BFAR: variants seen among roughly 807,000 people sequenced by gnomAD.
BFAR encodes the protein bifunctional apoptosis regulator.
Under a neutral mutation model 54.4 loss-of-function variants are expected in BFAR, and 52 were observed. The ratio of observed to expected loss-of-function variants is 0.96; its 90% CI spans 0.77 to 1.21. The LOEUF is 1.21. Ranked by LOEUF, BFAR falls within the 50% of genes most tolerant of loss-of-function variation. BFAR has a pLI of 0.00. For missense variants in BFAR, 571 were observed against 534.0 expected (o/e 1.07, Z -0.68); for synonymous variants, 215 against 204.3 (o/e 1.05, Z -0.45).
At chr16:14,655,980 C>T (rs891727860) in intron 5 of BFAR, among the ~76,000 whole-genome samples, 3 of 151,274 alleles carry the variant, frequency 2.0e-5, no homozygotes, top group Non-Finnish European at 2.9e-5. Context: ...GAGGCCGAGG[C>T]GGGGGGATGA....
At chr16:14,664,390 CAAA>C (rs753783830) in intron 6 of BFAR, among the ~76,000 whole-genome samples, 4 of 58,092 alleles carry the variant, frequency 6.9e-5, no homozygotes, top group African/African-American at 1.8e-4. Flanking sequence ...GACTCCGTCT[CAAA>C]AAAAAAAAAA....
chr16:14,649,950 T>A lies in BFAR; in HGVS notation c.615T>A (p.Phe205Leu). ...GGGCATCTCTTTACAGGGAAAGGTT[T>A]TTATCTGAACGAGTAAATGGAAGGT... ...GPWASLYRER[F>L]LSERVNGRLL... The change falls in exon 4 of 8, where the codon TTT (phenylalanine) becomes TTA (leucine). Residue 205 changes from phenylalanine (F) to leucine (L), a missense_variant. Phe to Leu is a conservative substitution (Grantham distance 22). Transcript: ENST00000261658. The A allele has an allele frequency of 6.2e-7, 1 of 1,611,504 alleles. No individual in the cohort carries two copies. Among genetic ancestry groups the A allele is most frequent in the Non-Finnish European group, 8.5e-7 (1 of 1,178,796 alleles).
chr16:14,667,803 G>A lies in BFAR; in HGVS notation c.1329G>A (p.Arg443=). 6.2e-7 allele frequency: 1 copy of A among 1,614,144 alleles called. No homozygotes were observed. The highest frequency in any genetic ancestry group is 2.2e-5 in the East Asian group (1 of 44,890). ...INIDLVVKEL[R]RLETQVL is the part of the protein sequence containing the mutation. The stretch of plus-strand genomic sequence containing the variant: ...TTGATCTTGTGGTCAAGGAACTCCG[G>A]CGGCTGGAAACCCAGGTGTTGTGAC... Residue 443 remains arginine, a synonymous_variant, in exon 8 of 8, where the codon CGG becomes CGA. Transcript: ENST00000261658.
intron 6 of BFAR, among the ~76,000 whole-genome samples, chr16:14,663,513 A>G (rs945280246): frequency 6.6e-6 from 1 of 151,364 alleles, no homozygotes; most frequent in Non-Finnish European, 1.5e-5. Context: ...TTGTGTTTTT[A>G]GTAGAGATGG....
At chr16:14,652,129 C>G (rs1285980960) in intron 4 of BFAR, among the ~76,000 whole-genome samples, 1 of 151,736 alleles carries the variant, frequency 6.6e-6, no homozygotes, top group African/African-American at 2.4e-5. Flanking sequence ...TCAGGTGATC[C>G]ACCGCCTTGG....
intron 2 of BFAR, among the ~76,000 whole-genome samples, chr16:14,646,336 A>C (rs889519179): frequency 2.6e-5 from 4 of 152,058 alleles, no homozygotes; most frequent in African/African-American, 9.7e-5. Flanking sequence ...TATAGGCGTG[A>C]GCCACCGTGC....
In BFAR at chr16:14,633,018, G is replaced by A. The variant is rs1396729167; in HGVS notation, c.-74G>A. On this transcript the variant is annotated splice_region_variant and 5_prime_UTR_variant, in exon 1 of 8. It removes an upstream start codon present in the reference 5' UTR. Coordinates refer to ENST00000261658, the MANE Select transcript of BFAR (RefSeq NM_016561.3). ...CCGGTTGGCCCGGGACGAGTGGAAT[G>A]GTAAGCCGCGACACGGCTGGGGGGT... 1 of 152,914 alleles carries A rather than the reference G, an allele frequency of 6.5e-6. No homozygotes were observed. The highest frequency in any genetic ancestry group is 2.4e-5 in the African/African-American group (1 of 41,470). 9.5% of individuals were successfully genotyped at this position (152,914 alleles called of 1,614,324 possible).
At chr16:14,637,078 C>G (rs1596962453) in intron 1 of BFAR, among the ~76,000 whole-genome samples, 1 of 152,272 alleles carries the variant, frequency 6.6e-6, no homozygotes, top group South Asian at 2.1e-4. Flanking sequence ...GACACAGTAA[C>G]AATCTGATCT....
intron 5 of BFAR, among the ~76,000 whole-genome samples, chr16:14,655,860 G>A (rs530708163): frequency 3.9e-5 from 6 of 152,184 alleles, no homozygotes; most frequent in Non-Finnish European, 8.8e-5. Flanking sequence ...TGCTCTTTAA[G>A]CCAGCATTTC....
chr16:14,661,122 A>G (rs1459270392), intron 5 of BFAR, among the ~76,000 whole-genome samples: 1 of 152,188 alleles, frequency 6.6e-6, no homozygotes, highest in Non-Finnish European at 1.5e-5. Flanking sequence ...GAAAATGGCT[A>G]TGTGAATTCC....
At chr16:14,641,384 G>A (rs766607136) in intron 1 of BFAR, among the ~76,000 whole-genome samples, 15 of 152,132 alleles carry the variant, frequency 9.9e-5, no homozygotes, top group Non-Finnish European at 1.8e-4. Flanking sequence ...AACATCCTTA[G>A]GAGGTGGAGG....
rs763019950 is a variant in BFAR, at chr16:14,644,412, C to T, written c.66C>T (p.Ser22=). 2 of 1,613,914 alleles carry T rather than the reference C, an allele frequency of 1.2e-6. No individual in the cohort carries two copies. Among genetic ancestry groups the T allele is most frequent in the Admixed American group, 3.3e-5 (2 of 59,990 alleles). Residue 22 remains serine, a synonymous_variant, in exon 2 of 8, where the codon AGC becomes AGT. Coordinates refer to ENST00000261658, the MANE Select transcript of BFAR (RefSeq NM_016561.3). ...MDLERDEPLK[S]TGPQISVSEF... ...TTGAGAGAGATGAACCTCTCAAAAG[C>T]ACCGGCCCTCAGATTTCTGTTAGTG...
chr16:14,661,880 T>A lies in BFAR; in HGVS notation c.784-12T>A. On this transcript the variant is annotated splice_polypyrimidine_tract_variant and intron_variant, in intron 5 of 7. Coordinates refer to ENST00000261658, the MANE Select transcript of BFAR (RefSeq NM_016561.3). ...TGGTTGTAATGTGGCCCTGTACTCT[T>A]CTCCTCTGCAGGCTGTGAACCCAGG... 1 of 1,613,956 alleles carries A rather than the reference T, an allele frequency of 6.2e-7. No individual in the cohort carries two copies.
intron 7 of BFAR, among the ~76,000 whole-genome samples, chr16:14,665,969 G>A (rs1051051395): frequency 1.3e-5 from 2 of 152,254 alleles, no homozygotes; most frequent in East Asian, 1.9e-4. Context: ...AGACCCAAAC[G>A]CTGTCACCAG....
intron 1 of BFAR, among the ~76,000 whole-genome samples, chr16:14,641,951 C>A (rs1234083301): frequency 2.6e-5 from 4 of 152,216 alleles, no homozygotes. Flanking sequence ...GACTCGAATT[C>A]TCTTCTTTAA....
At chr16:14,651,563 A>G (rs966547920) in intron 4 of BFAR, among the ~76,000 whole-genome samples, 4 of 151,980 alleles carry the variant, frequency 2.6e-5, no homozygotes, top group Admixed American at 1.3e-4. Flanking sequence ...CTCAACTGCA[A>G]TCTCTGTGTT....
Position 14,649,791 on chromosome 16 carries a change from C to T in BFAR, c.469-13C>T. 5 of 1,582,690 alleles carry T rather than the reference C, an allele frequency of 3.2e-6. No individual in the cohort carries two copies. The highest frequency in any genetic ancestry group is 4.3e-6 in the Non-Finnish European group (5 of 1,160,794). On this transcript the variant is annotated splice_polypyrimidine_tract_variant and intron_variant, in intron 3 of 7. Transcript: ENST00000261658. ...CCTCTCCATGGTTTAAAGTCCCTGT[C>T]ACTTTTCCCCAGGTGGTCCTGCTCG...
chr16:14,665,533 T>C (rs1307555808), intron 7 of BFAR, among the ~76,000 whole-genome samples: 2 of 152,116 alleles, frequency 1.3e-5, no homozygotes, highest in African/African-American at 4.8e-5. Context: ...GTGTCTTGGA[T>C]GGTAGCGAGA....
chr16:14,659,238 T>G (rs1260811195), intron 5 of BFAR, among the ~76,000 whole-genome samples: 1 of 148,822 alleles, frequency 6.7e-6, no homozygotes, highest in Non-Finnish European at 1.5e-5. Context: ...TTTTTTGTTT[T>G]TTTTTGTTTT....
Sources: gnomAD v4.1 joint callset for allele counts (sites outside exome capture counted in the v4.1 genomes callset) on GRCh38, gnomAD v4.1.1 for gene constraint, MANE v1.5 for transcripts, NCBI Gene and HGNC (gene_info 2026-07-23, HGNC 2026-07-21) for gene names.